The following STX8 variants were observed in gnomAD, a reference collection of about 807,000 sequenced individuals.
STX8 encodes syntaxin-8.
In STX8, 23 loss-of-function variants were observed where a neutral mutation model predicts 37.5. The ratio of observed to expected loss-of-function variants is 0.61; its 90% CI spans 0.44 to 0.87. The LOEUF is 0.87. Ranked by LOEUF, STX8 falls within the 40% of genes least tolerant of loss-of-function variation. The pLI is 0.00. For synonymous variants in STX8, 115 were observed against 99.1 expected, an observed-to-expected ratio of 1.16 and a Z score of -0.95; for missense variants, 313 against 284.7, an observed-to-expected ratio of 1.10 and a Z score of -0.71.
rs1904769168 is a variant in STX8, at chr17:9,505,024, A to G, written c.448+14T>C. 2 of 1,568,998 alleles carry G rather than the reference A, an allele frequency of 1.3e-6. No homozygotes were observed. Among genetic ancestry groups the G allele is most frequent in the Non-Finnish European group, 8.7e-7 (1 of 1,150,376 alleles). ...CAAGGTTTCTGAGCCCACACTCCTC[A>G]GGATATTTAGTACCTTGGATAATTT... On this transcript the variant is annotated intron_variant, in intron 5 of 7. Transcript: ENST00000306357.
At chr17:9,346,235 A>G (rs909646145) in intron 7 of STX8, among the ~76,000 whole-genome samples, 10 of 152,154 alleles carry the variant, frequency 6.6e-5, no homozygotes, top group Non-Finnish European at 8.8e-5. Context: ...CATTTTCAAC[A>G]GGAGATATCT....
chr17:9,358,437 C>T (rs1393443180), intron 7 of STX8, among the ~76,000 whole-genome samples: 1 of 152,194 alleles, frequency 6.6e-6, no homozygotes, highest in East Asian at 1.9e-4. Flanking sequence ...CGGTCTTCAA[C>T]CCACTTTAAA....
At chr17:9,409,793 GA>G (rs34158045) in intron 6 of STX8, among the ~76,000 whole-genome samples, 11,370 of 152,076 alleles carry the variant, frequency 0.075, 752 homozygotes, top group Admixed American at 0.22. Flanking sequence ...GCACTGGGGG[GA>G]AAAAAAGCCA....
chr17:9,285,795 A>C (rs868310202), intron 7 of STX8, among the ~76,000 whole-genome samples: 3 of 152,252 alleles, frequency 2.0e-5, no homozygotes, highest in Admixed American at 6.5e-5. Flanking sequence ...TTTACTACAA[A>C]TTCTGCTGAA....
At chr17:9,268,447 A>C (rs921822565) in intron 7 of STX8, among the ~76,000 whole-genome samples, 4 of 152,216 alleles carry the variant, frequency 2.6e-5, no homozygotes, top group African/African-American at 9.6e-5. Context: ...CCCCGAGCAC[A>C]TGGTATGCAA....
chr17:9,299,796 G>A (rs527778685), intron 7 of STX8, among the ~76,000 whole-genome samples: 2 of 152,184 alleles, frequency 1.3e-5, no homozygotes, highest in African/African-American at 4.8e-5. Flanking sequence ...AGTCAGTGAA[G>A]TAGAGTTACC....
intron 5 of STX8, among the ~76,000 whole-genome samples, chr17:9,503,924 C>T (rs1445108084): frequency 6.6e-6 from 1 of 152,012 alleles, no homozygotes; most frequent in African/African-American, 2.4e-5. Flanking sequence ...GCCACCACAC[C>T]CAGCTAATTT....
At chr17:9,490,646 T>C (rs546395572) in intron 6 of STX8, among the ~76,000 whole-genome samples, 1 of 152,326 alleles carries the variant, frequency 6.6e-6, no homozygotes, top group East Asian at 1.9e-4. Context: ...ATTACAGGTG[T>C]GAGCCACCGC....
At chr17:9,544,780 CAGG>C (rs745770136) in intron 4 of STX8, among the ~76,000 whole-genome samples, 4 of 152,146 alleles carry the variant, frequency 2.6e-5, no homozygotes, top group Non-Finnish European at 5.9e-5. Flanking sequence ...ATCACGAGGT[CAGG>C]AGATCGAGAC....
intron 6 of STX8, among the ~76,000 whole-genome samples, chr17:9,409,790 G>A (rs934490442): frequency 2.7e-5 from 4 of 150,290 alleles, no homozygotes; most frequent in Admixed American, 1.4e-4. Context: ...GAAGCACTGG[G>A]GGGAAAAAAA....
chr17:9,527,155 C>T (rs1473960989), intron 4 of STX8, among the ~76,000 whole-genome samples: 4 of 104,276 alleles, frequency 3.8e-5, no homozygotes, highest in Admixed American at 1.6e-4. Flanking sequence ...GTCCACAGTC[C>T]GGCCTGGGCG....
At chr17:9,460,694 C>CAAAAAAA (rs1402143119) in intron 6 of STX8, among the ~76,000 whole-genome samples, 2 of 139,240 alleles carry the variant, frequency 1.4e-5, no homozygotes, top group African/African-American at 5.6e-5. Flanking sequence ...AAAAACAAAA[C>CAAAAAAA]AAAACTACTA....
At chr17:9,469,529 A>G (rs1426858997) in intron 6 of STX8, among the ~76,000 whole-genome samples, 2 of 152,214 alleles carry the variant, frequency 1.3e-5, no homozygotes. Flanking sequence ...GTACATCCCA[A>G]GTCGTTGCTT....
At chr17:9,483,648 T>C (rs1216890679) in intron 6 of STX8, among the ~76,000 whole-genome samples, 1 of 152,208 alleles carries the variant, frequency 6.6e-6, no homozygotes, top group Non-Finnish European at 1.5e-5. Context: ...TGATCCTTTT[T>C]TGGAGGCGCA....
chr17:9,552,685 CTCTTT>C (rs1906814474), intron 3 of STX8: 1 of 148,668 alleles, frequency 6.7e-6, no homozygotes, highest in Admixed American at 6.7e-5. Context: ...CGGAGTCTCG[CTCTTT>C]TGCCCAGACT....
At chr17:9,322,902 A>G (rs546745031) in intron 7 of STX8, among the ~76,000 whole-genome samples, 6 of 139,958 alleles carry the variant, frequency 4.3e-5, no homozygotes, top group East Asian at 3.9e-4. Context: ...TTTTATGAGG[A>G]AAAAAAAAAA....
At chr17:9,546,881 G>A (rs1317050020) in intron 3 of STX8, among the ~76,000 whole-genome samples, 4 of 111,968 alleles carry the variant, frequency 3.6e-5, no homozygotes, top group Non-Finnish European at 7.3e-5. Context: ...ACAGGTGTGA[G>A]CCAGTGCGCC....
intron 6 of STX8, among the ~76,000 whole-genome samples, chr17:9,491,483 T>A (rs1906849450): frequency 6.6e-6 from 1 of 152,082 alleles, no homozygotes; most frequent in East Asian, 1.9e-4. Context: ...CTCCACCGGG[T>A]GTGGGGATGA....
intron 6 of STX8, among the ~76,000 whole-genome samples, chr17:9,403,151 G>T (rs901503505): frequency 1.3e-5 from 2 of 152,096 alleles, no homozygotes; most frequent in African/African-American, 4.8e-5. Context: ...ATCAGGGGAG[G>T]GAGGAGTCTC....
Sources: gnomAD v4.1 joint callset for allele counts (sites outside exome capture counted in the v4.1 genomes callset) on GRCh38, gnomAD v4.1.1 for gene constraint, MANE v1.5 for transcripts, NCBI Gene and HGNC (gene_info 2026-07-23, HGNC 2026-07-21) for gene names.